The following TSPAN17 variants were observed in gnomAD, a reference collection of about 807,000 sequenced individuals.
TSPAN17 encodes the protein tetraspanin 17, also known as tetraspanin-17.
In TSPAN17, 33 loss-of-function variants were observed where a neutral mutation model predicts 40.5. The observed-to-expected ratio is 0.81, with a 90% CI of 0.62 to 1.09. The LOEUF (loss-of-function observed/expected upper bound fraction) is 1.09, where lower values mean the gene tolerates loss of function less well. Ranked by LOEUF, TSPAN17 falls within the 50% of genes least tolerant of loss-of-function variation. The pLI, the probability that TSPAN17 is intolerant of heterozygous loss-of-function variation, is 0.00. For missense variants in TSPAN17, 365 were observed against 416.8 expected (o/e 0.88, Z 1.08); for synonymous variants, 166 against 169.4 (o/e 0.98, Z 0.15).
intron 1 of TSPAN17, among the ~76,000 whole-genome samples, chr5:176,648,815 T>G (rs1004224446): frequency 2.6e-5 from 4 of 152,242 alleles, no homozygotes; most frequent in African/African-American, 9.6e-5. Context: ...GAGTTCAATT[T>G]GTTGTATTCT....
Position 176,654,554 on chromosome 5 carries a change from C to T in TSPAN17, c.457-341C>T, listed in dbSNP as rs999556992. 13 of 253,296 alleles carry T rather than the reference C, an allele frequency of 5.1e-5. No homozygotes were observed. Among genetic ancestry groups the T allele is most frequent in the South Asian group, 1.9e-4 (3 of 15,492 alleles). The allele number at this position is 253,296 out of a possible 1,614,324, so 15.7% of individuals were successfully genotyped here. ...GGCCTGCTGCAGACATGGGGCCCAG[C>T]GGTCTCTGCTGCCACAGGGCTTGGC... On this transcript the variant is annotated intron_variant, in intron 4 of 8. Coordinates refer to ENST00000508164, the MANE Select transcript of TSPAN17 (RefSeq NM_130465.5). The surrounding 1 kb of genome is among the most constrained non-coding windows in gnomAD (Gnocchi z 4.3).
rs1761241346 is a variant in TSPAN17, at chr5:176,658,421, T to TG, written c.*723_*724insG. On this transcript the variant is annotated 3_prime_UTR_variant, in exon 9 of 9. Transcript: ENST00000508164. ...TGATCCTGCCGCCCCCTCCCTGGGC[T>TG]CGTCCAGAGATCTCAAACTCCGATG... is the stretch of plus-strand genomic sequence containing the variant. The TG allele has an allele frequency of 1.3e-5, 2 of 152,316 alleles. No homozygotes were observed. Among genetic ancestry groups the TG allele is most frequent in the Non-Finnish European group, 2.9e-5 (2 of 68,090 alleles). The allele number at this position is 152,316 out of a possible 1,614,324, so 9.4% of individuals were successfully genotyped here. A position where few individuals can be genotyped will look rare whatever the true frequency, so the allele number is the denominator to read the frequency against.
At position 176,659,025 on chromosome 5, in the gene TSPAN17, A is replaced by G. The variant is rs1448892469; in HGVS notation, c.*1327A>G. 1 of 152,290 alleles carries G rather than the reference A, an allele frequency of 6.6e-6. No homozygotes were observed. The highest frequency in any genetic ancestry group is 2.4e-5 in the African/African-American group (1 of 41,474). 9.4% of individuals were successfully genotyped at this position (152,290 alleles called of 1,614,324 possible). On this transcript the variant is annotated 3_prime_UTR_variant, in exon 9 of 9. Transcript: ENST00000508164. ...GGCGCTGGCTGTGAGTGGTTTGTAC[A>G]TGCTACAATAAATGCAGCTGGCAGC...
At chr5:176,647,794 A>G (rs974670315) in intron 1 of TSPAN17, 92 bp downstream of exon 1, 12 of 1,251,938 alleles carry the variant, frequency 9.6e-6, no homozygotes, top group Non-Finnish European at 9.9e-6. Flanking sequence ...CCCTGCCCCA[A>G]GAGTTTGGAG....
At chr5:176,649,154 G>A (rs143513510) in intron 1 of TSPAN17, among the ~76,000 whole-genome samples, 50 of 152,230 alleles carry the variant, frequency 3.3e-4, no homozygotes, top group African/African-American at 1.1e-3. Context: ...GTGGAGGGTG[G>A]ATGAGGGGCA....
intron 1 of TSPAN17, among the ~76,000 whole-genome samples, chr5:176,648,434 GTCCCCCTGGGCCCTGCCAGGTCATTTT>G (rs1280389895): frequency 2.0e-5 from 3 of 152,222 alleles, no homozygotes; most frequent in African/African-American, 7.2e-5. Context: ...GGTGGCATCT[GTCCCCCTGGGCCCTGCCAGGTCATTTT>G]TCCCATCTCT....
At chr5:176,655,466 G>A (rs997935351) in intron 5 of TSPAN17, among the ~76,000 whole-genome samples, 5 of 152,126 alleles carry the variant, frequency 3.3e-5, no homozygotes, top group African/African-American at 9.7e-5. Context: ...GTCCCTTTAC[G>A]ACTTTCTTCA....
rs1760926600 is a variant in TSPAN17 at position 176,650,476 on chromosome 5, G to A, written c.88-1140G>A. 1.3e-5 allele frequency among the ~76,000 whole-genome samples: 2 copies of A among 152,180 alleles called. No homozygotes were observed. Among genetic ancestry groups the A allele is most frequent in the African/African-American group, 4.8e-5 (2 of 41,436 alleles). ...CGGAGCATCCTGGGAAGGAGCTCGG[G>A]GAGGAATGGGGTTGAGTTAACTGAG... On this transcript the variant is annotated intron_variant, in intron 1 of 8. Coordinates refer to ENST00000508164, the MANE Select transcript of TSPAN17 (RefSeq NM_130465.5). The surrounding 1 kb of genome is among the most constrained non-coding windows in gnomAD (Gnocchi z 4.0).
chr5:176,653,070 G>A, intron 4 of TSPAN17, 157 bp downstream of exon 4: 1 of 737,480 alleles, frequency 1.4e-6, no homozygotes, highest in Non-Finnish European at 2.2e-6. Flanking sequence ...AGGAGAGCCA[G>A]CCCCTGCTGA....
At chr5:176,657,050 G>T (rs1381284085) in intron 8 of TSPAN17, 94 bp downstream of exon 8, 2 of 1,293,714 alleles carry the variant, frequency 1.5e-6, no homozygotes, top group Admixed American at 2.3e-5. Context: ...GACGGGCAAG[G>T]CTGCAGGAGA....
In TSPAN17 at chr5:176,655,465, C is replaced by T. The variant is rs111854230; in HGVS notation, c.582+445C>T. ...GGGAGTGGGGACCTCTGTCCCTTTACGACTTTCTTCAGGGCAGAAACCTCT... is the reference window on the plus strand; with the variant it reads ...GGGAGTGGGGACCTCTGTCCCTTTATGACTTTCTTCAGGGCAGAAACCTCT... On this transcript the variant is annotated intron_variant, in intron 5 of 8. Transcript: ENST00000508164. Among the ~76,000 whole-genome samples the T allele has an allele frequency of 8.6e-4, 131 of 152,266 alleles. 1 individual carries two copies. The highest frequency in any genetic ancestry group is 2.8e-3 in the African/African-American group (117 of 41,546).
Position 176,654,866 on chromosome 5 carries a change from TC to T in TSPAN17, c.457-28del. The T allele has an allele frequency of 1.2e-6, 2 of 1,611,780 alleles. No homozygotes were observed. Among genetic ancestry groups the T allele is most frequent in the Non-Finnish European group, 1.7e-6 (2 of 1,178,974 alleles). ...GTGAGGCTCCTGGGATGGGCCTGGCTCACCTGGGGCTCTCCCCTGCCCCCAC... is the reference window on the plus strand; with the variant it reads ...GTGAGGCTCCTGGGATGGGCCTGGCTACCTGGGGCTCTCCCCTGCCCCCAC... On this transcript the variant is annotated intron_variant, in intron 4 of 8. Transcript: ENST00000508164. The surrounding 1 kb of genome is among the most constrained non-coding windows in gnomAD (Gnocchi z 4.3).
rs914477560 is a variant in TSPAN17 at position 176,651,560 on chromosome 5, G to T, written c.88-56G>T. 14 of 1,557,096 alleles carry T rather than the reference G, an allele frequency of 9.0e-6. No individual in the cohort carries two copies. The highest frequency in any genetic ancestry group is 6.8e-5 in the African/African-American group (5 of 73,188). ...GCCCTGGCTACCGGGGAAGGATGAG[G>T]GGGGAGGGTCCTGGGGCTGCTCCCA... On this transcript the variant is annotated intron_variant, in intron 1 of 8. Coordinates refer to ENST00000508164, the MANE Select transcript of TSPAN17 (RefSeq NM_130465.5). This position sits in a 1 kb window ranked among gnomAD's most constrained non-coding sequence, Gnocchi z 4.5.
In TSPAN17 at chr5:176,657,133, G is replaced by T. The variant is rs563047570; in HGVS notation, c.809+177G>T. On this transcript the variant is annotated intron_variant, in intron 8 of 8. Coordinates refer to ENST00000508164, the MANE Select transcript of TSPAN17 (RefSeq NM_130465.5). ...CTGTCCACCCACGGAGGAAGTTGCTGTGCCTCCGCCTGGGCCTCTTGTCCC... is the reference window on the plus strand; with the variant it reads ...CTGTCCACCCACGGAGGAAGTTGCTTTGCCTCCGCCTGGGCCTCTTGTCCC... The T allele has an allele frequency of 4.2e-5, 29 of 693,832 alleles. No homozygotes were observed. The African/African-American group carries it at 4.7e-4, about 11-fold the overall frequency. The allele number at this position is 693,832 out of a possible 1,614,324, so 43.0% of individuals were successfully genotyped here.
intron 5 of TSPAN17, among the ~76,000 whole-genome samples, chr5:176,655,380 C>T (rs4867842): frequency 0.45 from 69,001 of 152,038 alleles, 18,173 homozygotes; most frequent in Non-Finnish European, 0.59. Flanking sequence ...TTGTATGTGA[C>T]GGGGGTTGCC....
At position 176,654,567 on chromosome 5, in the gene TSPAN17, C is replaced by A; in HGVS notation, c.457-328C>A. The A allele has an allele frequency of 3.6e-6, 1 of 280,926 alleles. No individual in the cohort carries two copies. Among genetic ancestry groups the A allele is most frequent in the South Asian group, 5.5e-5 (1 of 18,122 alleles). The allele number at this position is 280,926 out of a possible 1,614,324, so 17.4% of individuals were successfully genotyped here. On this transcript the variant is annotated intron_variant, in intron 4 of 8. Transcript: ENST00000508164. This position sits in a 1 kb window ranked among gnomAD's most constrained non-coding sequence, Gnocchi z 4.3. ...CATGGGGCCCAGCGGTCTCTGCTGC[C>A]ACAGGGCTTGGCCCAGCGCCTGCCT... is the stretch of plus-strand genomic sequence containing the variant.
At chr5:176,647,814 AT>A in intron 1 of TSPAN17, 112 bp downstream of exon 1, 1 of 1,056,194 alleles carries the variant, frequency 9.5e-7, no homozygotes, top group Non-Finnish European at 1.3e-6. Context: ...GCTCGGGACC[AT>A]CCCCCCACTT....
At chr5:176,656,011 G>T in intron 5 of TSPAN17, 67 bp from the exon 6 acceptor site, 1 of 1,496,734 alleles carries the variant, frequency 6.7e-7, no homozygotes, top group Non-Finnish European at 9.3e-7. Flanking sequence ...CCACCGCACT[G>T]CCCAGGTACC....
chr5:176,653,341 T>C (rs561156019), intron 4 of TSPAN17: 5 of 163,694 alleles, frequency 3.1e-5, no homozygotes, highest in African/African-American at 1.2e-4. Context: ...TTATTATATC[T>C]GTCAGCCCTT....
Sources: gnomAD v4.1 joint callset for allele counts (sites outside exome capture counted in the v4.1 genomes callset) on GRCh38, gnomAD v4.1.1 for gene constraint, Gnocchi (gnomAD v3.1) non-coding constraint, MANE v1.5 for transcripts, NCBI Gene and HGNC (gene_info 2026-07-23, HGNC 2026-07-21) for gene names.